GFPT2: variants seen among roughly 807,000 people sequenced by gnomAD.
The protein encoded by GFPT2 is glutamine--fructose-6-phosphate aminotransferase [isomerizing] 2.
Under a neutral mutation model 85.6 loss-of-function variants are expected in GFPT2, and 62 were observed. The ratio of observed to expected loss-of-function variants is 0.72; its 90% CI spans 0.59 to 0.90. The LOEUF (loss-of-function observed/expected upper bound fraction) is 0.90. GFPT2 is among the 40% of genes least tolerant of loss of function. GFPT2 has a pLI of 0.00. For synonymous variants in GFPT2, 368 were observed against 344.5 expected, an observed-to-expected ratio of 1.07 and a Z score of -0.75; for missense variants, 788 against 893.4, an observed-to-expected ratio of 0.88 and a Z score of 1.50.
rs1267573269 is a variant in GFPT2 at position 180,330,553 on chromosome 5, GCTGT to G, written c.534+143_534+146del. The G allele has an allele frequency of 1.6e-6, 1 of 637,410 alleles. No homozygotes were observed. The highest frequency in any genetic ancestry group is 2.7e-6 in the Non-Finnish European group (1 of 366,248). 39.5% of individuals were successfully genotyped at this position (637,410 alleles called of 1,614,324 possible). On this transcript the variant is annotated intron_variant, in intron 6 of 18. Coordinates refer to ENST00000253778, the MANE Select transcript of GFPT2 (RefSeq NM_005110.4). This position sits in a 1 kb window ranked among gnomAD's most constrained non-coding sequence, Gnocchi z 4.4. ...TCTTAAGGCCAGGCTCTGCAGATGG[GCTGT>G]CTTTTATCCCCAGGACTCTGTGCAA...
At chr5:180,301,845 A>G (rs915423119) in intron 18 of GFPT2, among the ~76,000 whole-genome samples, 4 of 152,034 alleles carry the variant, frequency 2.6e-5, no homozygotes, top group African/African-American at 7.2e-5. Flanking sequence ...ATCTGTTAAC[A>G]TGATTTAAAG....
In GFPT2 at chr5:180,333,966, A is replaced by T. The variant is rs145133758; in HGVS notation, c.340+1862T>A. On this transcript the variant is annotated intron_variant, in intron 4 of 18. Transcript: ENST00000253778. ...GGCTAAAGTGGCAACATCTCAGGGC[A>T]CATGGTCTGGGCGCAGTGTTTTCTC... Among the ~76,000 whole-genome samples the T allele has an allele frequency of 5.4e-3, 824 of 152,282 alleles. 2 individuals carry two copies. Among genetic ancestry groups the T allele is most frequent in the Middle Eastern group, 0.02 (6 of 294 alleles).
At chr5:180,312,594 C>T (rs778768707) in intron 14 of GFPT2, 50 bp from the exon 15 acceptor site, 1 of 995,030 alleles carries the variant, frequency 1.0e-6, no homozygotes. Flanking sequence ...CTTTTTAAAT[C>T]AACTTTTATT....
rs75666308 is a variant in GFPT2 at position 180,334,985 on chromosome 5, G to A, written c.340+843C>T. 4.5e-3 allele frequency among the ~76,000 whole-genome samples: 683 copies of A among 152,316 alleles called. 28 individuals carry two copies. The South Asian group carries it at 0.095, about 21-fold the overall frequency. On this transcript the variant is annotated intron_variant, in intron 4 of 18. Coordinates refer to ENST00000253778, the MANE Select transcript of GFPT2 (RefSeq NM_005110.4). ...AGGGTGTCATTTAAGAGAATCACGC[G>A]TGGAGAACTGTCCTGGCGACCCATG...
intron 1 of GFPT2, among the ~76,000 whole-genome samples, chr5:180,339,235 C>T (rs1764461809): frequency 6.6e-6 from 1 of 152,046 alleles, no homozygotes; most frequent in African/African-American, 2.4e-5. Context: ...CAAAAATTAG[C>T]TGGGTGTGGT....
rs371575587 is a variant in GFPT2, at chr5:180,330,849, C to T, written c.400-15G>A. The T allele has an allele frequency of 3.8e-5, 62 of 1,613,022 alleles. No homozygotes were observed. The highest frequency in any genetic ancestry group is 3.2e-4 in the African/African-American group (24 of 74,926). On this transcript the variant is annotated splice_polypyrimidine_tract_variant and intron_variant, in intron 5 of 18. Coordinates refer to ENST00000253778, the MANE Select transcript of GFPT2 (RefSeq NM_005110.4). The surrounding 1 kb of genome is among the most constrained non-coding windows in gnomAD (Gnocchi z 4.4). The stretch of plus-strand genomic sequence containing the variant: ...CCTTTGCTTTCCTGGAATATGCAGT[C>T]GGCACAGTGTGAGAGATTGGTCATT...
intron 9 of GFPT2, among the ~76,000 whole-genome samples, chr5:180,321,761 GGTTTT>G (rs10610483): frequency 0.59 from 88,653 of 150,500 alleles, 26,721 homozygotes; most frequent in East Asian, 0.83. Context: ...TAATATGGAG[GGTTTT>G]GTTTTGTTTT....
At chr5:180,327,370 A>G (rs1337122325) in intron 7 of GFPT2, among the ~76,000 whole-genome samples, 2 of 152,136 alleles carry the variant, frequency 1.3e-5, no homozygotes, top group African/African-American at 2.4e-5. Context: ...CGTCCCACCA[A>G]TGCCCTTGCA....
intron 15 of GFPT2, among the ~76,000 whole-genome samples, chr5:180,311,924 C>A (rs549074882): frequency 2.0e-5 from 3 of 151,132 alleles, no homozygotes; most frequent in African/African-American, 7.3e-5. Context: ...GAAGGCCCTG[C>A]GGTGAGAAAG....
At chr5:180,351,972 T>C (rs1764718482) in intron 1 of GFPT2, among the ~76,000 whole-genome samples, 1 of 152,192 alleles carries the variant, frequency 6.6e-6, no homozygotes, top group African/African-American at 2.4e-5. Context: ...CTTGGACATC[T>C]GGCAAAACTA....
rs1222411977 is a variant in GFPT2, at chr5:180,328,456, C to T, written c.535-118G>A. On this transcript the variant is annotated intron_variant, in intron 6 of 18. Coordinates refer to ENST00000253778, the MANE Select transcript of GFPT2 (RefSeq NM_005110.4). The surrounding 1 kb of genome is among the most constrained non-coding windows in gnomAD (Gnocchi z 5.4). ...GATGGCGGGAGGTCCTGGGGTCCCT[C>T]GGGGAGCTGAGTGCAGAACAGCGCA... 52 of 777,028 alleles carry T rather than the reference C, an allele frequency of 6.7e-5. 1 individual carries two copies. In the East Asian group the frequency reaches 7.8e-4, roughly 12 times the overall value. The allele number at this position is 777,028 out of a possible 1,614,324, so 48.1% of individuals were successfully genotyped here. A position where few individuals can be genotyped will look rare whatever the true frequency, so the allele number is the denominator to read the frequency against.
chr5:180,315,478 G>A (rs1315085328), intron 13 of GFPT2, among the ~76,000 whole-genome samples: 7 of 151,614 alleles, frequency 4.6e-5, no homozygotes, highest in South Asian at 2.1e-4. Flanking sequence ...GCGCCCGGCC[G>A]GTTATATGTT....
chr5:180,307,153 G>T, intron 16 of GFPT2, 23 bp downstream of exon 16: 1 of 957,792 alleles, frequency 1.0e-6, no homozygotes, highest in Non-Finnish European at 1.4e-6. Flanking sequence ...CCGTGGGGGT[G>T]GGGGCTGGGG....
intron 7 of GFPT2, 148 bp from the exon 8 acceptor site, chr5:180,325,043 G>T: frequency 1.6e-6 from 1 of 638,958 alleles, no homozygotes; most frequent in Non-Finnish European, 2.8e-6. Context: ...GACGCCTGGA[G>T]CACAGGATGG....
intron 9 of GFPT2, among the ~76,000 whole-genome samples, chr5:180,321,558 C>T (rs1042517528): frequency 5.3e-5 from 8 of 152,208 alleles, no homozygotes; most frequent in African/African-American, 1.4e-4. Flanking sequence ...TCATGATTAT[C>T]GCATGGGATC....
chr5:180,331,128 A>G (rs978796261), intron 5 of GFPT2, among the ~76,000 whole-genome samples: 2 of 152,170 alleles, frequency 1.3e-5, no homozygotes, highest in African/African-American at 2.4e-5. Context: ...CCACATCCCA[A>G]CTAACACCAC....
intron 1 of GFPT2, 57 bp from the exon 2 acceptor site, chr5:180,338,657 A>G: frequency 1.9e-6 from 2 of 1,072,120 alleles, no homozygotes; most frequent in South Asian, 1.3e-5. Context: ...TGTTTGGAAG[A>G]AAACGCTTCT....
intron 1 of GFPT2, among the ~76,000 whole-genome samples, chr5:180,341,973 AC>A (rs1432862297): frequency 1.3e-5 from 2 of 152,154 alleles, no homozygotes; most frequent in Admixed American, 1.3e-4. Flanking sequence ...TGCAGCTCCC[AC>A]AATTCCCACG....
In GFPT2 at chr5:180,353,307, T is replaced by C. The variant is rs1282892766; in HGVS notation, c.-90A>G. 11,425 of 991,618 alleles carry C rather than the reference T, an allele frequency of 0.012. 102 individuals carry two copies. The highest frequency in any genetic ancestry group is 0.013 in the Non-Finnish European group (10,348 of 772,058). The allele number at this position is 991,618 out of a possible 1,614,324, so 61.4% of individuals were successfully genotyped here. A position where few individuals can be genotyped will look rare whatever the true frequency, so the allele number is the denominator to read the frequency against. On this transcript the variant is annotated 5_prime_UTR_variant, in exon 1 of 19. Transcript: ENST00000253778. ...TCCGTGGGCTCCTCCGTGGGCTCCG[T>C]GGGCTCCGTGGGCTCCGCGGGCTCC...
Sources: allele counts gnomAD v4.1 joint callset (sites outside exome capture counted in the v4.1 genomes callset), GRCh38; gene constraint gnomAD v4.1.1; non-coding constraint Gnocchi (gnomAD v3.1); transcripts MANE v1.5; gene names NCBI Gene and HGNC (gene_info 2026-07-23, HGNC 2026-07-21).